GMDS: variants seen among roughly 807,000 people sequenced by gnomAD.
GMDS encodes GDP-mannose 4,6-dehydratase.
In GMDS, 20 loss-of-function variants were observed where a neutral mutation model predicts 49.9. The ratio of observed to expected loss-of-function variants is 0.40; its 90% CI spans 0.28 to 0.58. GMDS has a LOEUF of 0.58. GMDS is among the 20% of genes least tolerant of loss of function. The probability of loss-of-function intolerance (pLI) is 0.42; values close to 1 mark genes in which losing one functional copy is unlikely to be tolerated. For missense variants in GMDS, 362 were observed against 481.4 expected, an observed-to-expected ratio of 0.75 and a Z score of 2.32; for synonymous variants, 177 against 178.6, an observed-to-expected ratio of 0.99 and a Z score of 0.07.
intron 7 of GMDS, among the ~76,000 whole-genome samples, chr6:1,812,165 C>A (rs978309713): frequency 6.6e-6 from 1 of 152,162 alleles, no homozygotes; most frequent in Non-Finnish European, 1.5e-5. Context: ...ACAGAGGCAA[C>A]ATTTTAGAGG....
At chr6:1,687,573 AGGCACCG>A (rs1374652751) in intron 9 of GMDS, among the ~76,000 whole-genome samples, 4 of 151,530 alleles carry the variant, frequency 2.6e-5, no homozygotes, top group African/African-American at 4.9e-5. Context: ...CCTGTGTTCC[AGGCACCG>A]TCCTTGACAC....
chr6:1,808,559 G>A (rs960967665), intron 7 of GMDS, among the ~76,000 whole-genome samples: 6 of 152,046 alleles, frequency 3.9e-5, no homozygotes, highest in Non-Finnish European at 7.4e-5. Context: ...ATTTAGATCC[G>A]GCTTCCTGAC....
rs578239502 is a variant in GMDS, at chr6:2,191,548, G to A, written c.102+53773C>T. ...GCCCCCGCCTTGCCCTTGCAGGCTCGGAGGTGCCTACCTCCACTGTCTGGC... is the reference window on the plus strand; with the variant it reads ...GCCCCCGCCTTGCCCTTGCAGGCTCAGAGGTGCCTACCTCCACTGTCTGGC... On this transcript the variant is annotated intron_variant, in intron 1 of 10. Coordinates refer to ENST00000380815, the MANE Select transcript of GMDS (RefSeq NM_001500.4). This position sits in a 1 kb window ranked among gnomAD's most constrained non-coding sequence, Gnocchi z 4.6. 2.6e-4 allele frequency among the ~76,000 whole-genome samples: 40 copies of A among 152,308 alleles called. No individual in the cohort carries two copies. The highest frequency in any genetic ancestry group is 9.1e-4 in the African/African-American group (38 of 41,576).
intron 9 of GMDS, among the ~76,000 whole-genome samples, chr6:1,725,434 GA>G (rs1320478877): frequency 1.3e-5 from 2 of 152,122 alleles, no homozygotes; most frequent in Middle Eastern, 3.4e-3. Flanking sequence ...TCTAGTGTAA[GA>G]TTTTTTTTTT....
At chr6:1,762,407 T>A (rs778815039) in intron 7 of GMDS, among the ~76,000 whole-genome samples, 4 of 152,220 alleles carry the variant, frequency 2.6e-5, no homozygotes, top group Non-Finnish European at 4.4e-5. Flanking sequence ...GAGTGAGCAG[T>A]CCCAGAGCTG....
At chr6:1,847,971 C>T (rs17771371) in intron 7 of GMDS, among the ~76,000 whole-genome samples, 5,221 of 152,164 alleles carry the variant, frequency 0.034, 121 homozygotes, top group Non-Finnish European at 0.052. Flanking sequence ...TGGGAGTGTA[C>T]GGCCAAGGCA....
chr6:1,704,142 T>A (rs1178507151), intron 9 of GMDS, among the ~76,000 whole-genome samples: 1 of 152,080 alleles, frequency 6.6e-6, no homozygotes, highest in Non-Finnish European at 1.5e-5. Context: ...GGGGACAAGA[T>A]CAACGCTGAT....
intron 4 of GMDS, among the ~76,000 whole-genome samples, chr6:2,111,840 A>G (rs190549408): frequency 2.4e-3 from 364 of 152,372 alleles, no homozygotes; most frequent in Non-Finnish European, 4.0e-3. Context: ...ATTAATATAG[A>G]GAAATTAACT....
At chr6:1,815,790 C>T (rs528045961) in intron 7 of GMDS, among the ~76,000 whole-genome samples, 20 of 152,296 alleles carry the variant, frequency 1.3e-4, no homozygotes, top group East Asian at 9.6e-4. Context: ...CTACAGAGAG[C>T]GTGCTGTCGT....
intron 6 of GMDS, among the ~76,000 whole-genome samples, chr6:1,942,259 C>T (rs1285839509): frequency 6.6e-6 from 1 of 152,190 alleles, no homozygotes; most frequent in Admixed American, 6.5e-5. Context: ...TAGTCAACTG[C>T]TCATCAAGTC....
At chr6:1,835,784 T>C (rs755725817) in intron 7 of GMDS, among the ~76,000 whole-genome samples, 23 of 152,184 alleles carry the variant, frequency 1.5e-4, no homozygotes, top group Admixed American at 2.6e-4. Context: ...AAAATAACTG[T>C]TAAATCAAGG....
chr6:2,038,060 G>C (rs572272036), intron 4 of GMDS, among the ~76,000 whole-genome samples: 10 of 152,134 alleles, frequency 6.6e-5, no homozygotes, highest in South Asian at 6.2e-4. Context: ...AAGAGGGTTG[G>C]GGGGGAGGTG....
rs534737826 is a variant in GMDS at position 1,857,095 on chromosome 6, G to A, written c.771+73008C>T. Among the ~76,000 whole-genome samples, 23 of 152,272 alleles carry A rather than the reference G, an allele frequency of 1.5e-4. 1 individual carries two copies. In the South Asian group the frequency reaches 3.3e-3, roughly 22 times the overall value. On this transcript the variant is annotated intron_variant, in intron 7 of 10. Coordinates refer to ENST00000380815, the MANE Select transcript of GMDS (RefSeq NM_001500.4). ...GAATGAGCACCAGCACTTGCCATTCGAATCTGTCATCAAGATGCTCTCAGG... is the reference window on the plus strand; with the variant it reads ...GAATGAGCACCAGCACTTGCCATTCAAATCTGTCATCAAGATGCTCTCAGG...
chr6:1,711,341 A>G (rs1317946486), intron 9 of GMDS, among the ~76,000 whole-genome samples: 1 of 152,198 alleles, frequency 6.6e-6, no homozygotes, highest in African/African-American at 2.4e-5. Flanking sequence ...GGAAGACTGT[A>G]TTTTCAACAG....
chr6:2,242,015 T>A (rs1378076966), intron 1 of GMDS, among the ~76,000 whole-genome samples: 1 of 152,120 alleles, frequency 6.6e-6, no homozygotes, highest in African/African-American at 2.4e-5. Flanking sequence ...AGGCTGAAAA[T>A]GAGATTTCTA....
chr6:2,182,830 C>A (rs528028001), intron 1 of GMDS, among the ~76,000 whole-genome samples: 1 of 152,106 alleles, frequency 6.6e-6, no homozygotes, highest in Admixed American at 6.5e-5. Context: ...CTCAGCTTCC[C>A]GAGTAACTGG....
At chr6:2,164,512 A>C (rs948310826) in intron 1 of GMDS, among the ~76,000 whole-genome samples, 24 of 152,184 alleles carry the variant, frequency 1.6e-4, no homozygotes, top group African/African-American at 5.3e-4. Context: ...ACAGGGGTGG[A>C]GAGGCTACTC....
chr6:2,115,375 G>A (rs1774789147), intron 4 of GMDS, among the ~76,000 whole-genome samples: 1 of 152,184 alleles, frequency 6.6e-6, no homozygotes, highest in Non-Finnish European at 1.5e-5. Context: ...CTCTCAGCCA[G>A]TAATTTAGCC....
At chr6:1,789,755 G>GTGCATAC (rs1769463138) in intron 7 of GMDS, among the ~76,000 whole-genome samples, 2 of 152,170 alleles carry the variant, frequency 1.3e-5, no homozygotes, top group South Asian at 4.2e-4. Flanking sequence ...GCCCAGGATA[G>GTGCATAC]TCCTGAACTC....
Sources: allele counts gnomAD v4.1 joint callset (sites outside exome capture counted in the v4.1 genomes callset), GRCh38; gene constraint gnomAD v4.1.1; non-coding constraint Gnocchi (gnomAD v3.1); transcripts MANE v1.5; gene names NCBI Gene and HGNC (gene_info 2026-07-23, HGNC 2026-07-21).